Variants in PKIG observed in about 807,000 individuals in gnomAD.
PKIG encodes the protein cAMP-dependent protein kinase inhibitor gamma.
A neutral mutation model predicts 6.8 loss-of-function variants in PKIG; 1 was observed. The ratio of observed to expected loss-of-function variants is 0.15; its 90% CI spans 0.05 to 0.69. PKIG has a LOEUF of 0.69. PKIG is among the 30% of genes least tolerant of loss of function. PKIG has a pLI of 0.82. For missense variants in PKIG, 77 were observed against 104.0 expected (o/e 0.74, Z 1.13); for synonymous variants, 39 against 43.0 (o/e 0.91, Z 0.36).
At chr20:44,577,380 C>T (rs568036357) in intron 1 of PKIG, among the ~76,000 whole-genome samples, 38 of 152,118 alleles carry the variant, frequency 2.5e-4, no homozygotes, top group African/African-American at 8.0e-4. Context: ...GTGACCTGCT[C>T]GCCTCAGCCT....
chr20:44,553,989 T>A (rs2064691160), intron 1 of PKIG, among the ~76,000 whole-genome samples: 1 of 151,908 alleles, frequency 6.6e-6, no homozygotes, highest in Non-Finnish European at 1.5e-5. Context: ...CAAAGGACAG[T>A]GAGAGGGAAG....
At chr20:44,599,178 G>A (rs1319483203) in intron 2 of PKIG, among the ~76,000 whole-genome samples, 1 of 152,110 alleles carries the variant, frequency 6.6e-6, no homozygotes, top group East Asian at 1.9e-4. Context: ...CTGGGGGCAG[G>A]GGAAAAAGAA....
intron 1 of PKIG, among the ~76,000 whole-genome samples, chr20:44,575,233 A>G (rs1237583539): frequency 6.6e-6 from 1 of 151,794 alleles, no homozygotes; most frequent in Non-Finnish European, 1.5e-5. Context: ...TTGTATTTTT[A>G]TTTTTGAGAC....
At chr20:44,557,394 C>T (rs1333860756) in intron 1 of PKIG, among the ~76,000 whole-genome samples, 7 of 151,622 alleles carry the variant, frequency 4.6e-5, no homozygotes, top group African/African-American at 9.7e-5. Flanking sequence ...GGTGTGGTGG[C>T]GAGCGCCTGT....
chr20:44,533,608 A>G (rs1294466587), intron 1 of PKIG, among the ~76,000 whole-genome samples: 2 of 152,162 alleles, frequency 1.3e-5, no homozygotes, highest in Non-Finnish European at 2.9e-5. Context: ...AAGTACATTC[A>G]TGGAGCCAAA....
At chr20:44,601,333 G>A (rs2065119925) in intron 2 of PKIG, among the ~76,000 whole-genome samples, 2 of 152,256 alleles carry the variant, frequency 1.3e-5, no homozygotes, top group Admixed American at 1.3e-4. Flanking sequence ...CTCTTTGAAT[G>A]GCAACAGGCA....
chr20:44,566,736 C>T (rs1281647247), intron 1 of PKIG, among the ~76,000 whole-genome samples: 1 of 152,184 alleles, frequency 6.6e-6, no homozygotes, highest in Non-Finnish European at 1.5e-5. Context: ...ATCCCAGCTA[C>T]TCGGGAGGCT....
At chr20:44,578,111 TG>T (rs961948790), upstream of PKIG, among the ~76,000 whole-genome samples, 1 of 151,484 alleles carries the variant, frequency 6.6e-6, no homozygotes, top group Non-Finnish European at 1.5e-5. Context: ...GAGGCCAAGG[TG>T]GGCGGATCAC....
chr20:44,597,926 A>G (rs1327946069), intron 2 of PKIG, among the ~76,000 whole-genome samples: 1 of 152,242 alleles, frequency 6.6e-6, no homozygotes, highest in Non-Finnish European at 1.5e-5. Context: ...ACTTCTGCAT[A>G]ATCCATCACC....
intron 2 of PKIG, among the ~76,000 whole-genome samples, chr20:44,597,522 A>G (rs1240279930): frequency 6.6e-6 from 1 of 152,188 alleles, no homozygotes; most frequent in Non-Finnish European, 1.5e-5. Flanking sequence ...TAGAGATAAT[A>G]TCTTGCTTCT....
At chr20:44,618,212 C>A in intron 3 of PKIG, 73 bp from the exon 4 acceptor site, 1 of 967,586 alleles carries the variant, frequency 1.0e-6, no homozygotes, top group Non-Finnish European at 1.7e-6. Flanking sequence ...TTTGGCTGGG[C>A]CCTTTCACAC....
chr20:44,554,075 A>ATT (rs200091090), intron 1 of PKIG, among the ~76,000 whole-genome samples: 7 of 151,516 alleles, frequency 4.6e-5, no homozygotes, highest in Non-Finnish European at 7.4e-5. Context: ...TTTAAAAAAA[A>ATT]ATTTTTTTTT....
At chr20:44,557,717 A>G (rs538409693) in intron 1 of PKIG, among the ~76,000 whole-genome samples, 224 of 151,002 alleles carry the variant, frequency 1.5e-3, no homozygotes, top group Non-Finnish European at 2.5e-3. Context: ...CCAGCTGCTC[A>G]GGAGGCTGAG....
intron 2 of PKIG, among the ~76,000 whole-genome samples, chr20:44,599,169 T>C (rs981531558): frequency 1.3e-5 from 2 of 152,112 alleles, no homozygotes; most frequent in Non-Finnish European, 2.9e-5. Context: ...ATTATGAAGC[T>C]GGGGGCAGGG....
At chr20:44,582,502 G>T (rs1367038925), upstream of PKIG, 3 of 152,374 alleles carry the variant, frequency 2.0e-5, no homozygotes. Context: ...ATCAGGCTGA[G>T]CATTGGATTA....
intron 1 of PKIG, among the ~76,000 whole-genome samples, chr20:44,566,843 C>T (rs114623238): frequency 6.6e-6 from 1 of 151,990 alleles, no homozygotes; most frequent in South Asian, 2.1e-4. Flanking sequence ...AAGACTGTCT[C>T]TAAATAAATA....
intron 2 of PKIG, among the ~76,000 whole-genome samples, chr20:44,606,157 C>T (rs1235388223): frequency 6.6e-6 from 1 of 152,052 alleles, no homozygotes; most frequent in Admixed American, 6.5e-5. Context: ...ATTAAGAACT[C>T]CTACAAATCA....
intron 2 of PKIG, among the ~76,000 whole-genome samples, chr20:44,599,119 G>A (rs1600888503): frequency 6.6e-6 from 1 of 152,100 alleles, no homozygotes; most frequent in African/African-American, 2.4e-5. Context: ...TGTTTTCCAG[G>A]GACTTGCTTA....
intron 1 of PKIG, among the ~76,000 whole-genome samples, chr20:44,551,932 AT>A (rs1423676307): frequency 6.6e-6 from 1 of 152,184 alleles, no homozygotes; most frequent in Non-Finnish European, 1.5e-5. Context: ...TATACAGCAG[AT>A]TTTTATTTAT....
Sources: allele counts gnomAD v4.1 joint callset (sites outside exome capture counted in the v4.1 genomes callset), GRCh38; gene constraint gnomAD v4.1.1; transcripts MANE v1.5; gene names NCBI Gene and HGNC (gene_info 2026-07-23, HGNC 2026-07-21).